Variants in PCSK4 observed in about 807,000 individuals in gnomAD.
PCSK4 encodes the protein testicular tissue protein Li 135.
Under a neutral mutation model 80.3 loss-of-function variants are expected in PCSK4, and 64 were observed. The observed-to-expected ratio is 0.80, with a 90% confidence interval of 0.65 to 0.98. The LOEUF (loss-of-function observed/expected upper bound fraction) is 0.98. PCSK4 is among the 50% of genes least tolerant of loss of function. PCSK4 has a pLI of 0.00. For missense variants in PCSK4, 1,213 were observed against 1,093.6 expected, an observed-to-expected ratio of 1.11 and a Z score of -1.54; for synonymous variants, 561 against 487.6, an observed-to-expected ratio of 1.15 and a Z score of -1.98.
chr19:1,486,099 A>T (rs961896982), intron 8 of PCSK4, among the ~76,000 whole-genome samples: 1 of 151,638 alleles, frequency 6.6e-6, no homozygotes, highest in African/African-American at 2.4e-5. Context: ...CAGCCTCCTG[A>T]GTAGCTGGGA....
chr19:1,482,662 C>G, intron 13 of PCSK4, 187 bp from the exon 14 acceptor site: 1 of 807,576 alleles, frequency 1.2e-6, no homozygotes, highest in Non-Finnish European at 1.9e-6. Flanking sequence ...TGACTGCACA[C>G]CTACTGTGCG....
At chr19:1,484,032 C>T in exon 9 of PCSK4, 1 of 1,544,664 alleles carries the variant, frequency 6.5e-7, no homozygotes, top group Non-Finnish European at 8.7e-7. Context: ...CCTACTTGGC[C>T]TCCAGCGCTA....
chr19:1,488,154 C>A, intron 3 of PCSK4, 34 bp downstream of exon 3: 1 of 1,613,220 alleles, frequency 6.2e-7, no homozygotes, highest in Non-Finnish European at 8.5e-7. Flanking sequence ...CCAGCGGCCC[C>A]GTCCCCGTCT....
chr19:1,488,422 G>A, intron 2 of PCSK4, 142 bp from the exon 3 acceptor site: 1 of 642,894 alleles, frequency 1.6e-6, no homozygotes, highest in Non-Finnish European at 2.7e-6. Flanking sequence ...CTGGGGCTCT[G>A]TCTGCAGTCG....
rs2084743013 is a variant in PCSK4 at position 1,488,169 on chromosome 19, A to G, written c.387+19T>C. 6.2e-7 allele frequency: 1 copy of G among 1,613,066 alleles called. No individual in the cohort carries two copies. The highest frequency in any genetic ancestry group is 8.5e-7 in the Non-Finnish European group (1 of 1,179,750). On this transcript the variant is annotated intron_variant, in intron 3 of 14. Transcript: ENST00000300954. ...CCAGCGGCCCCGTCCCCGTCTACCC[A>G]CCCTGGCTGCCTGCTCACCATGTAC... is the stretch of plus-strand genomic sequence containing the variant.
intron 13 of PCSK4, 95 bp from the exon 14 acceptor site, chr19:1,482,570 G>A (rs535436205): frequency 2.1e-6 from 3 of 1,460,324 alleles, no homozygotes; most frequent in East Asian, 4.6e-5. Context: ...CAGCTCCCAC[G>A]CGGGGCCCTG....
At chr19:1,483,509 G>C in intron 11 of PCSK4, 46 bp from the exon 12 acceptor site, 1 of 1,431,422 alleles carries the variant, frequency 7.0e-7, no homozygotes, top group Non-Finnish European at 9.6e-7. Flanking sequence ...CTGCTGGGGG[G>C]TGGGTGGGCG....
At chr19:1,487,027 C>G (rs749653478) in exon 8 of PCSK4, 3 of 1,608,106 alleles carry the variant, frequency 1.9e-6, no homozygotes, top group South Asian at 2.2e-5. Flanking sequence ...CGCCGTTGCC[C>G]GAGGCCCAGA....
intron 12 of PCSK4, 34 bp downstream of exon 12, chr19:1,483,250 T>C: frequency 6.6e-7 from 1 of 1,512,594 alleles, no homozygotes; most frequent in Non-Finnish European, 8.9e-7. Context: ...CGACAGGGCA[T>C]GAGGCCGCCC....
intron 2 of PCSK4, among the ~76,000 whole-genome samples, chr19:1,488,687 T>TCTC (rs1599247086): frequency 6.6e-6 from 1 of 152,012 alleles, no homozygotes; most frequent in African/African-American, 2.4e-5. Context: ...TTCAAGCGAT[T>TCTC]CTCCTACCTC....
At chr19:1,485,260 C>T (rs2084542683) in intron 8 of PCSK4, among the ~76,000 whole-genome samples, 1 of 152,078 alleles carries the variant, frequency 6.6e-6, no homozygotes, top group African/African-American at 2.4e-5. Flanking sequence ...AACCCCGTCT[C>T]TACTGAAAAT....
At position 1,488,293 on chromosome 19, in the gene PCSK4, G is replaced by C. The variant is rs1050158596; in HGVS notation, c.295-13C>G. ...GGAACCACTGCACCTGCAGAGCAGA[G>C]GGTGCATCAGGCCTGTCCCCTGCTC... On this transcript the variant is annotated splice_polypyrimidine_tract_variant and intron_variant, in intron 2 of 14. Coordinates refer to ENST00000300954, the Ensembl canonical transcript of PCSK4. The C allele has an allele frequency of 6.2e-7, 1 of 1,606,154 alleles. No individual in the cohort carries two copies. The highest frequency in any genetic ancestry group is 1.3e-5 in the African/African-American group (1 of 74,840).
chr19:1,483,144 G>A (rs866783408), intron 12 of PCSK4, 124 bp from the exon 13 acceptor site: 131 of 1,235,960 alleles, frequency 1.1e-4, no homozygotes, highest in Middle Eastern at 8.4e-4. Flanking sequence ...TGTGGGTGAG[G>A]GTGTGACTCG....
upstream of PCSK4, chr19:1,490,860 T>G (rs1402206053): frequency 1.1e-5 from 2 of 182,798 alleles, no homozygotes; most frequent in Admixed American, 6.3e-5. Flanking sequence ...TCCAATCGGC[T>G]CGGATGTTTC....
At chr19:1,483,705 A>C in exon 11 of PCSK4, 1 of 1,596,558 alleles carries the variant, frequency 6.3e-7, no homozygotes, top group Non-Finnish European at 8.5e-7. Flanking sequence ...GTGGGCAGCC[A>C]GGTGCGGGCG....
intron 2 of PCSK4, 178 bp downstream of exon 2, chr19:1,489,615 T>C: frequency 8.5e-7 from 1 of 1,174,752 alleles, no homozygotes; most frequent in Non-Finnish European, 1.2e-6. Context: ...GGCGCCATGA[T>C]TTCCGTATCT....
exon 15 of PCSK4, chr19:1,482,047 G>A (rs756704922): frequency 1.2e-5 from 19 of 1,559,262 alleles, no homozygotes; most frequent in South Asian, 3.5e-5. Flanking sequence ...GGGAGCCGCC[G>A]CGGCAGGTGT....
chr19:1,481,653 C>T (rs763721595), exon 15 of PCSK4: 75 of 704,648 alleles, frequency 1.1e-4, no homozygotes, highest in Non-Finnish European at 1.4e-4. Context: ...GGCCAGGCGT[C>T]GGGTGCTGGT....
At chr19:1,482,845 G>T (rs372597467) in intron 13 of PCSK4, 51 bp downstream of exon 13, 1 of 1,595,336 alleles carries the variant, frequency 6.3e-7, no homozygotes, top group South Asian at 1.1e-5. Context: ...AGCCCCTGGG[G>T]GGAGGTTGGA....
Sources: allele counts gnomAD v4.1 joint callset (sites outside exome capture counted in the v4.1 genomes callset), GRCh38; gene constraint gnomAD v4.1.1; transcripts MANE v1.5; gene names NCBI Gene and HGNC (gene_info 2026-07-23, HGNC 2026-07-21).